The following TRMT9B variants were observed in gnomAD, a reference collection of about 807,000 sequenced individuals.
TRMT9B encodes tRNA methyltransferase 9B (putative), also known as probable tRNA methyltransferase 9B.
TRMT9B carries 16 observed loss-of-function variants against 11.5 expected under a neutral mutation model. The ratio of observed to expected loss-of-function variants is 1.39; its 90% CI spans 0.94 to 2.11. The LOEUF (loss-of-function observed/expected upper bound fraction) is 2.11. TRMT9B is among the 30% of genes most tolerant of loss of function. TRMT9B has a pLI of 0.00. For missense variants in TRMT9B, 941 were observed against 553.8 expected (o/e 1.70, Z -7.02); for synonymous variants, 274 against 192.4 (o/e 1.42, Z -3.51).
intron 1 of TRMT9B, chr8:12,951,323 G>A (rs1800585242): frequency 6.6e-6 from 1 of 152,388 alleles, no homozygotes; most frequent in African/African-American, 2.4e-5. Flanking sequence ...TGAAGTCCGG[G>A]GCTGTAAAAA....
chr8:12,989,407 G>C (rs77776526), intron 1 of TRMT9B, among the ~76,000 whole-genome samples: 1 of 152,154 alleles, frequency 6.6e-6, no homozygotes, highest in South Asian at 2.1e-4. Flanking sequence ...TCCTAATTTA[G>C]GAAAAAGAAG....
At chr8:12,951,223 A>G (rs1160170195) in intron 1 of TRMT9B, 3 of 152,062 alleles carry the variant, frequency 2.0e-5, no homozygotes, top group Non-Finnish European at 4.4e-5. Context: ...TGTGTAGTGG[A>G]ATGATTTGGA....
chr8:12,969,450 A>C (rs890204520), intron 1 of TRMT9B, among the ~76,000 whole-genome samples: 6 of 152,158 alleles, frequency 3.9e-5, no homozygotes, highest in African/African-American at 1.4e-4. Flanking sequence ...CCCCTGTACT[A>C]AAATTCATGG....
intron 1 of TRMT9B, among the ~76,000 whole-genome samples, chr8:12,947,276 A>T (rs972438158): frequency 6.6e-6 from 1 of 152,222 alleles, no homozygotes; most frequent in East Asian, 1.9e-4. Flanking sequence ...TTCTTCCTGC[A>T]ATCTGAAGTT....
At chr8:12,985,093 C>A (rs1278964823) in intron 1 of TRMT9B, among the ~76,000 whole-genome samples, 1 of 152,090 alleles carries the variant, frequency 6.6e-6, no homozygotes, top group Non-Finnish European at 1.5e-5. Context: ...TAGACACATA[C>A]TCCTTGACAT....
At chr8:12,994,417 C>T (rs1398676323) in intron 2 of TRMT9B, among the ~76,000 whole-genome samples, 1 of 152,228 alleles carries the variant, frequency 6.6e-6, no homozygotes, top group Non-Finnish European at 1.5e-5. Flanking sequence ...TTCATGCCTG[C>T]ATGCCTCTAG....
chr8:12,985,296 C>T (rs974692049), intron 1 of TRMT9B, among the ~76,000 whole-genome samples: 2 of 152,148 alleles, frequency 1.3e-5, no homozygotes, highest in African/African-American at 4.8e-5. Context: ...ATTTGTTCTG[C>T]TCATAGGATT....
rs1471516898 is a variant in TRMT9B at position 13,012,827 on chromosome 8, G to T, written c.298G>T (p.Glu100Ter). Residue 100 changes from glutamate to a stop codon, truncating the protein, a stop_gained, in exon 4 of 5, where the codon GAG (glutamate) becomes TAG (stop). Transcript: ENST00000524591. LOFTEE classifies it low-confidence loss of function (END_TRUNC). Reference sequence around the variant, plus strand: ...CAACCTTAATCTCCCCTTTAGGGATGAGGGCTTCGATGCCATCATCTCCAT... The same window carrying T: ...CAACCTTAATCTCCCCTTTAGGGATTAGGGCTTCGATGCCATCATCTCCAT... ...CDNLNLPFRD[E>*]GFDAIISIGV... 5.0e-6 allele frequency: 8 copies of T among 1,613,794 alleles called. No homozygotes were observed. Among genetic ancestry groups the T allele is most frequent in the African/African-American group, 1.3e-5 (1 of 74,926 alleles).
At chr8:12,947,132 G>A (rs146774231) in intron 1 of TRMT9B, among the ~76,000 whole-genome samples, 3,353 of 152,232 alleles carry the variant, frequency 0.022, 119 homozygotes, top group African/African-American at 0.075. Flanking sequence ...AGTCCATTCT[G>A]ACTGGGTCAC....
intron 1 of TRMT9B, among the ~76,000 whole-genome samples, chr8:12,956,340 A>C (rs1005614109): frequency 1.3e-5 from 2 of 152,174 alleles, no homozygotes; most frequent in African/African-American, 4.8e-5. Flanking sequence ...ATGTTGTAAA[A>C]ATTTTTTAAA....
intron 1 of TRMT9B, among the ~76,000 whole-genome samples, chr8:12,969,009 C>T (rs910475317): frequency 2.6e-5 from 4 of 152,126 alleles, no homozygotes; most frequent in South Asian, 2.1e-4. Context: ...GTCGGGAGTT[C>T]GAGGCTAGCC....
intron 1 of TRMT9B, among the ~76,000 whole-genome samples, chr8:12,975,864 G>A (rs573765638): frequency 1.3e-5 from 2 of 152,232 alleles, no homozygotes; most frequent in South Asian, 2.1e-4. Flanking sequence ...CAGACATTAC[G>A]GATAAAGAGA....
Position 13,026,715 on chromosome 8 carries a change from A to G in TRMT9B, c.*4671A>G, listed in dbSNP as rs495609. On this transcript the variant is annotated 3_prime_UTR_variant, in exon 5 of 5. Coordinates refer to ENST00000524591, the MANE Select transcript of TRMT9B (RefSeq NM_020844.3). ...AGGTTACACACATAGTAGGTATCACACATTTAGTTAGAGGCAGAGCTGGGA... is the reference window on the plus strand; with the variant it reads ...AGGTTACACACATAGTAGGTATCACGCATTTAGTTAGAGGCAGAGCTGGGA... 16,421 of 167,174 alleles carry G rather than the reference A, an allele frequency of 0.098. 942 individuals carry two copies. The highest frequency in any genetic ancestry group is 0.14 in the African/African-American group (5,939 of 41,554). The allele number at this position is 167,174 out of a possible 1,614,324, so 10.4% of individuals were successfully genotyped here. A position where few individuals can be genotyped will look rare whatever the true frequency, so the allele number is the denominator to read the frequency against.
chr8:12,953,430 A>G (rs1585057024), intron 1 of TRMT9B, among the ~76,000 whole-genome samples: 1 of 151,722 alleles, frequency 6.6e-6, no homozygotes, highest in Admixed American at 6.6e-5. Context: ...GCTCAATACA[A>G]CTTCCGTCTC....
At chr8:12,949,207 G>C (rs895908779) in intron 1 of TRMT9B, among the ~76,000 whole-genome samples, 3 of 151,376 alleles carry the variant, frequency 2.0e-5, no homozygotes, top group Admixed American at 2.0e-4. Context: ...ACTCAAGTTA[G>C]GAAATGCCAT....
chr8:12,978,242 G>T (rs755411595), intron 1 of TRMT9B, among the ~76,000 whole-genome samples: 2 of 152,190 alleles, frequency 1.3e-5, no homozygotes, highest in African/African-American at 2.4e-5. Flanking sequence ...CTCCTTGGCT[G>T]ACAGGAGAAT....
intron 1 of TRMT9B, among the ~76,000 whole-genome samples, chr8:12,978,367 A>C (rs1008438094): frequency 6.6e-6 from 1 of 152,130 alleles, no homozygotes; most frequent in African/African-American, 2.4e-5. Context: ...GATTGTGCCC[A>C]TTGCAACCTG....
Position 13,012,829 on chromosome 8 carries a change from G to C in TRMT9B, c.300G>C (p.Glu100Asp), listed in dbSNP as rs369298289. 7.5e-5 allele frequency: 121 copies of C among 1,613,854 alleles called. No individual in the cohort carries two copies. The African/African-American group carries it at 1.4e-3, about 18-fold the overall frequency. Residue 100 changes from glutamate to aspartate, a missense_variant, in exon 4 of 5, where the codon GAG (glutamate) becomes GAC (aspartate). Coordinates refer to ENST00000524591, the MANE Select transcript of TRMT9B (RefSeq NM_020844.3). ...CDNLNLPFRD[E>D]GFDAIISIGV... ...ACCTTAATCTCCCCTTTAGGGATGA[G>C]GGCTTCGATGCCATCATCTCCATAG...
At chr8:13,017,508 T>G (rs1812945078) in intron 4 of TRMT9B, among the ~76,000 whole-genome samples, 1 of 152,192 alleles carries the variant, frequency 6.6e-6, no homozygotes, top group Non-Finnish European at 1.5e-5. Flanking sequence ...CGGATAAATA[T>G]ATTCTCACTT....
Sources: allele counts gnomAD v4.1 joint callset (sites outside exome capture counted in the v4.1 genomes callset), GRCh38; gene constraint gnomAD v4.1.1; transcripts MANE v1.5; gene names NCBI Gene and HGNC (gene_info 2026-07-23, HGNC 2026-07-21).